The following PCDHA7 variants were observed in gnomAD, a reference collection of about 807,000 sequenced individuals.
PCDHA7 encodes protocadherin alpha 7, also known as protocadherin alpha-7.
In PCDHA7, 37 loss-of-function variants were observed where a neutral mutation model predicts 57.2. The ratio of observed to expected loss-of-function variants is 0.65; its 90% CI spans 0.50 to 0.85. The LOEUF is 0.85. Among genes scored for constraint, PCDHA7 ranks in the 40% least tolerant of loss-of-function variants. The probability of loss-of-function intolerance (pLI) is 0.00; values close to 1 mark genes in which losing one functional copy is unlikely to be tolerated. For synonymous variants in PCDHA7, 553 were observed against 558.8 expected (o/e 0.99, Z 0.15); for missense variants, 1,188 against 1,241.8 (o/e 0.96, Z 0.65).
intron 3 of PCDHA7, among the ~76,000 whole-genome samples, chr5:141,005,774 G>A (rs2098239231): frequency 1.4e-5 from 2 of 144,252 alleles, no homozygotes; most frequent in Non-Finnish European, 3.0e-5. Flanking sequence ...AACCAGATGT[G>A]TAAAGATCCT....
intron 3 of PCDHA7, among the ~76,000 whole-genome samples, chr5:140,999,698 T>C (rs903538308): frequency 2.0e-5 from 3 of 152,192 alleles, no homozygotes; most frequent in Non-Finnish European, 4.4e-5. Flanking sequence ...ATGTGATTTT[T>C]TTTTAGCTAA....
intron 1 of PCDHA7, chr5:140,842,813 C>T (rs2150188208): frequency 2.5e-6 from 4 of 1,593,972 alleles, no homozygotes; most frequent in Non-Finnish European, 3.4e-6. Flanking sequence ...TGTGGAGCGG[C>T]GGGTGGGCGA....
intron 1 of PCDHA7, among the ~76,000 whole-genome samples, chr5:140,923,228 CCAGAA>C (rs2081257346): frequency 1.4e-5 from 1 of 71,808 alleles, no homozygotes; most frequent in Admixed American, 1.5e-4. Flanking sequence ...TCGTTTGAGC[CCAGAA>C]GTTTGAGACC....
intron 1 of PCDHA7, among the ~76,000 whole-genome samples, chr5:140,924,894 CAAAA>C (rs782133089): frequency 1.1e-4 from 8 of 71,470 alleles, no homozygotes; most frequent in African/African-American, 3.4e-4. Flanking sequence ...GAACCTGTCT[CAAAA>C]AAAAAAATAA....
In PCDHA7 at chr5:140,857,247, A is replaced by T. The variant is rs140390466; in HGVS notation, c.2355+20509A>T. 1.3e-4 allele frequency: 206 copies of T among 1,598,558 alleles called. 15 individuals carry two copies. The African/African-American group carries it at 2.2e-3, about 17-fold the overall frequency. On this transcript the variant is annotated intron_variant, in intron 1 of 3. Transcript: ENST00000525929. The stretch of plus-strand genomic sequence containing the variant: ...GTTCCGTTCAAGCTGGTGTCCACCT[A>T]CAAGAATTACTACTCATTGGTGCTG...
At chr5:140,882,652 C>T (rs781900873) in intron 1 of PCDHA7, 1 of 1,614,216 alleles carries the variant, frequency 6.2e-7, no homozygotes, top group Non-Finnish European at 8.5e-7. Flanking sequence ...ACATTAACGA[C>T]AACCCGCCCA....
chr5:140,884,606 C>T (rs1554181776), intron 1 of PCDHA7: 1 of 1,614,038 alleles, frequency 6.2e-7, no homozygotes, highest in African/African-American at 1.3e-5. Flanking sequence ...TCCTCCTTGT[C>T]TGGGTTCTGC....
At position 140,856,354 on chromosome 5, in the gene PCDHA7, C is replaced by T. The variant is rs2043948019; in HGVS notation, c.2355+19616C>T. On this transcript the variant is annotated intron_variant, in intron 1 of 3. Coordinates refer to ENST00000525929, the MANE Select transcript of PCDHA7 (RefSeq NM_018910.3). ...TGTGCGGGCGGAGCGTGGAGTGCAGCATCCACCTGGAGGTGATCGTGGACA... is the reference window on the plus strand; with the variant it reads ...TGTGCGGGCGGAGCGTGGAGTGCAGTATCCACCTGGAGGTGATCGTGGACA... The T allele has an allele frequency of 3.8e-6, 6 of 1,598,616 alleles. 1 individual carries two copies. Among genetic ancestry groups the T allele is most frequent in the African/African-American group, 2.7e-5 (2 of 74,434 alleles).
chr5:140,928,557 C>G lies in PCDHA7; in HGVS notation c.2356-50392C>G, dbSNP rs556688707. 7 of 1,614,238 alleles carry G rather than the reference C, an allele frequency of 4.3e-6. 1 individual carries two copies. The East Asian group carries it at 1.6e-4, about 36-fold the overall frequency. On this transcript the variant is annotated intron_variant, in intron 1 of 3. Coordinates refer to ENST00000525929, the MANE Select transcript of PCDHA7 (RefSeq NM_018910.3). ...ATAGGAATGACAATTATCCGGTTAT[C>G]TTGTTTCCCTTGCCCAGAAATGGTT...
chr5:140,882,286 A>G lies in PCDHA7; in HGVS notation c.2355+45548A>G, dbSNP rs13357748. The G allele has an allele frequency of 8.5e-4, 1,378 of 1,613,102 alleles. 12 individuals are homozygous for G. In the African/African-American group the frequency reaches 0.015, roughly 17 times the overall value. Reference sequence around the variant, plus strand: ...AGTGTACCATGCTGTCTTCCTGGCAAGGAGGCCCAAGACCGCGGCAACTAC... The same window carrying G: ...AGTGTACCATGCTGTCTTCCTGGCAGGGAGGCCCAAGACCGCGGCAACTAC... On this transcript the variant is annotated intron_variant, in intron 1 of 3. Transcript: ENST00000525929.
In PCDHA7 at chr5:141,010,181, C is replaced by G; in HGVS notation, c.*244C>G. The G allele has an allele frequency of 2.6e-6, 4 of 1,554,386 alleles. No individual in the cohort carries two copies. Among genetic ancestry groups the G allele is most frequent in the Non-Finnish European group, 3.5e-6 (4 of 1,148,120 alleles). On this transcript the variant is annotated 3_prime_UTR_variant, in exon 4 of 4. Transcript: ENST00000525929. ...TTGTTTTCAGAACCTAAAAAGCAGA[C>G]CCAAGTTTCCTTTCTCCTCCGCCGC... is the stretch of plus-strand genomic sequence containing the variant.
intron 1 of PCDHA7, among the ~76,000 whole-genome samples, chr5:140,945,058 C>A (rs939271004): frequency 1.3e-5 from 2 of 151,996 alleles, no homozygotes; most frequent in Non-Finnish European, 2.9e-5. Flanking sequence ...AAAGAAAACC[C>A]TACAGACTCC....
chr5:140,999,877 G>A (rs1194481133), intron 3 of PCDHA7, among the ~76,000 whole-genome samples: 1 of 152,152 alleles, frequency 6.6e-6, no homozygotes, highest in Admixed American at 6.5e-5. Flanking sequence ...CTGAAAATTA[G>A]CCCAGCTGTA....
At chr5:140,838,152 C>T (rs1353802529) in intron 1 of PCDHA7, among the ~76,000 whole-genome samples, 1 of 150,110 alleles carries the variant, frequency 6.7e-6, no homozygotes, top group African/African-American at 2.5e-5. Context: ...TTTACTCTGT[C>T]GCCCTCTCTG....
rs782026526 is a variant in PCDHA7, at chr5:140,857,844, ACT to A, written c.2355+21109_2355+21110del. The stretch of plus-strand genomic sequence containing the variant: ...GCTAAGGTGCGCGCAGTGGACGCTG[ACT>A]CTGGATACAACGCGTGGCTGTCGTA... On this transcript the variant is annotated intron_variant, in intron 1 of 3. Transcript: ENST00000525929. 1.0e-5 allele frequency: 16 copies of A among 1,596,614 alleles called. No homozygotes were observed. In the Admixed American group the frequency reaches 1.2e-4, roughly 12 times the overall value.
chr5:140,857,694 C>G (rs1554150531), intron 1 of PCDHA7: 3 of 1,597,142 alleles, frequency 1.9e-6, no homozygotes, highest in South Asian at 1.1e-5. Context: ...AGCAACTTGA[C>G]GCTGCAGGTG....
At chr5:140,843,690 A>G (rs2150365181) in intron 1 of PCDHA7, 2 of 1,587,072 alleles carry the variant, frequency 1.3e-6, no homozygotes, top group Admixed American at 3.4e-5. Context: ...GAAGAGCAAG[A>G]TTTAAATGTT....
At chr5:140,843,775 A>T (rs2150366589) in intron 1 of PCDHA7, 2 of 1,450,698 alleles carry the variant, frequency 1.4e-6, no homozygotes, top group East Asian at 4.6e-5. Context: ...AGTTACTTTA[A>T]AAGTGTTTCA....
At chr5:141,006,077 T>C (rs1554260547) in intron 3 of PCDHA7, among the ~76,000 whole-genome samples, 1 of 150,908 alleles carries the variant, frequency 6.6e-6, no homozygotes, top group East Asian at 1.9e-4. Flanking sequence ...ATCAGATTAT[T>C]GAAGGGACTT....
Sources: allele counts gnomAD v4.1 joint callset (sites outside exome capture counted in the v4.1 genomes callset), GRCh38; gene constraint gnomAD v4.1.1; transcripts MANE v1.5; gene names NCBI Gene and HGNC (gene_info 2026-07-23, HGNC 2026-07-21).